The following ESCO2 variants were observed in gnomAD, a reference collection of about 807,000 sequenced individuals.
The protein encoded by ESCO2 is N-acetyltransferase ESCO2.
Under a neutral mutation model 61.7 loss-of-function variants are expected in ESCO2, and 51 were observed. The ratio of observed to expected loss-of-function variants is 0.83; its 90% CI spans 0.66 to 1.04. ESCO2 has a LOEUF of 1.04. ESCO2 is among the 50% of genes least tolerant of loss of function. ESCO2 has a pLI of 0.00. For missense variants in ESCO2, 692 were observed against 686.2 expected, an observed-to-expected ratio of 1.01 and a Z score of -0.09; for synonymous variants, 230 against 238.2, an observed-to-expected ratio of 0.97 and a Z score of 0.32.
intron 1 of ESCO2, 103 bp from the exon 2 acceptor site, chr8:27,775,396 T>C: frequency 2.9e-6 from 3 of 1,021,986 alleles, no homozygotes; most frequent in Admixed American, 1.7e-5. Context: ...TCCCAGAAAA[T>C]AGGGTTTTAA....
chr8:27,778,525 G>C (rs1804851566), intron 3 of ESCO2: 1 of 152,114 alleles, frequency 6.6e-6, no homozygotes. Flanking sequence ...TTATACATTT[G>C]TATGAAAATT....
chr8:27,792,516 A>G (rs1805200308), intron 8 of ESCO2, 152 bp from the exon 9 acceptor site: 1 of 799,906 alleles, frequency 1.3e-6, no homozygotes, highest in South Asian at 2.0e-5. Flanking sequence ...ACATGCATCA[A>G]TAGTGAAATA....
intron 7 of ESCO2, among the ~76,000 whole-genome samples, chr8:27,791,516 T>C (rs1416464261): frequency 6.6e-6 from 1 of 152,196 alleles, no homozygotes; most frequent in East Asian, 1.9e-4. Flanking sequence ...ATTAAAATAG[T>C]TGTAAGACTG....
intron 4 of ESCO2, among the ~76,000 whole-genome samples, chr8:27,781,914 A>T (rs1224369968): frequency 5.9e-5 from 9 of 152,082 alleles, no homozygotes; most frequent in Non-Finnish European, 8.8e-5. Context: ...CTGTTAACTA[A>T]ACTCTAAACT....
At chr8:27,792,603 A>G (rs1382411079) in intron 8 of ESCO2, 65 bp from the exon 9 acceptor site, 1 of 1,479,386 alleles carries the variant, frequency 6.8e-7, no homozygotes, top group Non-Finnish European at 9.3e-7. Flanking sequence ...CTGTGTATAT[A>G]AATATGTATA....
At chr8:27,810,003 G>C (rs899022993), downstream of ESCO2, 1 of 300,878 alleles carries the variant, frequency 3.3e-6, no homozygotes, top group Non-Finnish European at 6.1e-6. Context: ...TAAAAGTAAT[G>C]GTCATTCAAT....
chr8:27,799,885 C>T lies in ESCO2; in HGVS notation c.1673+169C>T, dbSNP rs564624007. Among the ~76,000 whole-genome samples, 5 of 150,126 alleles carry T rather than the reference C, an allele frequency of 3.3e-5. No individual in the cohort carries two copies. In the South Asian group the frequency reaches 1.1e-3, roughly 32 times the overall value. ...CTAGAAAAACCATACTAGATGTACTCAGTCTAGGGTGCAACATTCCAGGTC... is the reference window on the plus strand; with the variant it reads ...CTAGAAAAACCATACTAGATGTACTTAGTCTAGGGTGCAACATTCCAGGTC... On this transcript the variant is annotated intron_variant, in intron 10 of 10. Transcript: ENST00000305188.
intron 7 of ESCO2, 129 bp from the exon 8 acceptor site, chr8:27,791,834 G>A: frequency 1.2e-6 from 1 of 814,520 alleles, no homozygotes; most frequent in East Asian, 2.7e-5. Context: ...ACTTTTAGTT[G>A]GATTTCATCT....
At chr8:27,818,799 T>G in the ESCO2 span, among the ~76,000 whole-genome samples, 2 of 152,160 alleles carry the variant, frequency 1.3e-5, no homozygotes, top group Non-Finnish European at 2.9e-5. Context: ...CTTTGGTGTC[T>G]TCTTTAAAGT....
chr8:27,775,140 G>A (rs750966102), intron 1 of ESCO2, among the ~76,000 whole-genome samples: 1 of 152,204 alleles, frequency 6.6e-6, no homozygotes, highest in Non-Finnish European at 1.5e-5. Context: ...TTTATAAAAA[G>A]GGAAGCAAAC....
chr8:27,777,688 C>T (rs1804828951), intron 3 of ESCO2: 1 of 152,406 alleles, frequency 6.6e-6, no homozygotes, highest in East Asian at 1.9e-4. Context: ...TGCTGACCTC[C>T]TGTTTATATC....
At chr8:27,777,380 C>T in intron 3 of ESCO2, 1 of 382,366 alleles carries the variant, frequency 2.6e-6, no homozygotes, top group East Asian at 5.9e-5. Flanking sequence ...CTGCTCACTA[C>T]AGCCTCAACC....
At chr8:27,782,717 T>C (rs772653463) in intron 4 of ESCO2, among the ~76,000 whole-genome samples, 3 of 149,682 alleles carry the variant, frequency 2.0e-5, no homozygotes, top group Non-Finnish European at 4.4e-5. Flanking sequence ...ATAATATATA[T>C]ATATTAAATA....
chr8:27,810,013 T>C (rs1805638547), downstream of ESCO2: 1 of 325,416 alleles, frequency 3.1e-6, no homozygotes, highest in Admixed American at 4.9e-5. Context: ...GGTCATTCAA[T>C]TTAATGTTAC....
At position 27,777,029 on chromosome 8, in the gene ESCO2, A is replaced by G. The variant is rs141078857; in HGVS notation, c.721A>G (p.Ile241Val). 11 of 1,611,484 alleles carry G rather than the reference A, an allele frequency of 6.8e-6. No homozygotes were observed. The highest frequency in any genetic ancestry group is 1.7e-5 in the Admixed American group (1 of 59,406). The change falls in exon 3 of 11, where the codon ATT becomes GTT. Residue 241 changes from isoleucine to valine, a missense_variant. By Grantham distance (29) the Ile-to-Val change is conservative. Coordinates refer to ENST00000305188, the MANE Select transcript of ESCO2 (RefSeq NM_001017420.3). ...GRTQKSKSEV[I>V]EDSDVETVSE... ...CACCCAAAAGAGTAAATCAGAAGTC[A>G]TTGAAGATTCTGATGTAGAGACTGT...
In ESCO2 at chr8:27,780,147, TG is replaced by T; in HGVS notation, c.862-25del. 3 of 1,368,050 alleles carry T rather than the reference TG, an allele frequency of 2.2e-6. No individual in the cohort carries two copies. In the East Asian group the frequency reaches 6.9e-5, roughly 32 times the overall value. The allele number at this position is 1,368,050 out of a possible 1,614,324, so 84.7% of individuals were successfully genotyped here. A position where few individuals can be genotyped will look rare whatever the true frequency, so the allele number is the denominator to read the frequency against. On this transcript the variant is annotated intron_variant, in intron 3 of 10. Transcript: ENST00000305188. The stretch of plus-strand genomic sequence containing the variant: ...AAAATAGTTAAAAATTACAGATGTT[TG>T]GTTTTTTTTTTAAACCTATTTTCAG...
At chr8:27,789,151 T>C (rs10110494) in intron 7 of ESCO2, among the ~76,000 whole-genome samples, 173 bp downstream of exon 7, 2 of 152,224 alleles carry the variant, frequency 1.3e-5, no homozygotes, top group African/African-American at 4.8e-5. Flanking sequence ...TGAGCAGAGC[T>C]GAACAGTCCA....
At chr8:27,777,316 T>C (rs1056433292) in intron 3 of ESCO2, 147 bp downstream of exon 3, 275 of 766,314 alleles carry the variant, frequency 3.6e-4, no homozygotes, top group Non-Finnish European at 4.8e-4. Flanking sequence ...TATTTATTTA[T>C]TTATTTTAAG....
Position 27,784,052 on chromosome 8 carries a change from A to G in ESCO2, c.1008A>G (p.Ser336=), listed in dbSNP as rs2128953441. 6.2e-7 allele frequency: 1 copy of G among 1,613,028 alleles called. No homozygotes were observed. The highest frequency in any genetic ancestry group is 8.5e-7 in the Non-Finnish European group (1 of 1,179,174). The change falls in exon 5 of 11, where the codon TCA becomes TCG. Residue 336 remains serine (S), a synonymous_variant. Coordinates refer to ENST00000305188, the MANE Select transcript of ESCO2 (RefSeq NM_001017420.3). Reference sequence around the variant, plus strand: ...TCTTCAGTGCATCTTCAGTCAATTCAAAAAGGTGAGAATTGTTATTGTTTT... The same window carrying G: ...TCTTCAGTGCATCTTCAGTCAATTCGAAAAGGTGAGAATTGTTATTGTTTT... ...YPIFSASSVN[S]KRSLGEEQFS... is the part of the protein sequence containing the mutation.
Sources: allele counts gnomAD v4.1 joint callset (sites outside exome capture counted in the v4.1 genomes callset), GRCh38; gene constraint gnomAD v4.1.1; transcripts MANE v1.5; gene names NCBI Gene and HGNC (gene_info 2026-07-23, HGNC 2026-07-21).